NDST4: variants seen among roughly 807,000 people sequenced by gnomAD.
The protein encoded by NDST4 is N-heparan sulfate sulfotransferase 4.
In NDST4, 63 loss-of-function variants were observed where a neutral mutation model predicts 100.8. That is an observed-to-expected ratio of 0.62 (90% confidence interval 0.51 to 0.77). NDST4 has a LOEUF of 0.77. NDST4 is among the 30% of genes least tolerant of loss of function. The pLI is 0.00. For missense variants in NDST4, 943 were observed against 1,018.4 expected (o/e 0.93, Z 1.01); for synonymous variants, 377 against 361.8 (o/e 1.04, Z -0.48).
At chr4:115,074,499 T>C (rs1729140170) in intron 2 of NDST4, among the ~76,000 whole-genome samples, 1 of 151,904 alleles carries the variant, frequency 6.6e-6, no homozygotes, top group Non-Finnish European at 1.5e-5. Flanking sequence ...TTAAAGGAAA[T>C]AATACATACT....
intron 6 of NDST4, among the ~76,000 whole-genome samples, chr4:114,931,472 A>C (rs1252597134): frequency 6.6e-6 from 1 of 151,712 alleles, no homozygotes; most frequent in Non-Finnish European, 1.5e-5. Context: ...GAAAAAAATT[A>C]GTCCAAAGTC....
intron 6 of NDST4, among the ~76,000 whole-genome samples, chr4:114,883,159 T>A (rs1724406981): frequency 6.6e-6 from 1 of 151,888 alleles, no homozygotes; most frequent in South Asian, 2.1e-4. Flanking sequence ...ATAAAGAAAA[T>A]GTGTTTAAAT....
chr4:115,013,384 T>G (rs1727603053), intron 2 of NDST4, among the ~76,000 whole-genome samples: 1 of 115,636 alleles, frequency 8.6e-6, no homozygotes, highest in Non-Finnish European at 1.8e-5. Context: ...CACACATACA[T>G]ACCTAATATG....
Position 114,896,641 on chromosome 4 carries a change from T to A in NDST4, c.1537-25691A>T, listed in dbSNP as rs58754543. Among the ~76,000 whole-genome samples, 632 of 142,976 alleles carry A rather than the reference T, an allele frequency of 4.4e-3. 6 individuals are homozygous for A. Among genetic ancestry groups the A allele is most frequent in the African/African-American group, 0.016 (598 of 36,464 alleles). 93.8% of individuals were successfully genotyped at this position (142,976 alleles called of 152,430 possible). On this transcript the variant is annotated intron_variant, in intron 6 of 13. Coordinates refer to ENST00000264363, the MANE Select transcript of NDST4 (RefSeq NM_022569.3). ...CCGTCTCAAAAAAAAAAAAAAAAAA[T>A]TTGCTTTGGGTAAAATACTGCATTT...
intron 6 of NDST4, among the ~76,000 whole-genome samples, chr4:114,918,120 C>T (rs956388220): frequency 3.3e-5 from 5 of 152,068 alleles, no homozygotes; most frequent in Non-Finnish European, 5.9e-5. Context: ...ACAGATCTTA[C>T]TATAACCATT....
intron 6 of NDST4, among the ~76,000 whole-genome samples, chr4:114,909,415 C>T (rs143757059): frequency 0.022 from 3,320 of 150,954 alleles, 60 homozygotes; most frequent in South Asian, 0.031. Context: ...AATCCCAGCA[C>T]TTTGGGAGGC....
intron 2 of NDST4, among the ~76,000 whole-genome samples, chr4:115,011,289 T>C (rs913979559): frequency 6.6e-6 from 1 of 151,990 alleles, no homozygotes; most frequent in Non-Finnish European, 1.5e-5. Context: ...CTGTGCTTCA[T>C]GGCTGTCATG....
chr4:114,853,951 C>A (rs555307112), intron 7 of NDST4, among the ~76,000 whole-genome samples: 1 of 152,204 alleles, frequency 6.6e-6, no homozygotes, highest in African/African-American at 2.4e-5. Context: ...AAGCATTTAT[C>A]ATTTCTTGTA....
At position 114,834,909 on chromosome 4, in the gene NDST4, A is replaced by G. The variant is rs574361876; in HGVS notation, c.2287-1194T>C. On this transcript the variant is annotated intron_variant, in intron 11 of 13. Transcript: ENST00000264363. ...AGTTTATTTGCATAGAGGTGTTTAT[A>G]GTATTCTCTGATGACAGTTTGTATT... 4.6e-5 allele frequency among the ~76,000 whole-genome samples: 7 copies of G among 152,308 alleles called. No individual in the cohort carries two copies. In the South Asian group the frequency reaches 1.4e-3, roughly 32 times the overall value.
rs139962191 is a variant in NDST4, at chr4:114,953,572, A to G, written c.1222-16069T>C. 2.6e-5 allele frequency among the ~76,000 whole-genome samples: 4 copies of G among 152,246 alleles called. No individual in the cohort carries two copies. In the East Asian group the frequency reaches 7.7e-4, roughly 29 times the overall value. ...GTGCAGTGAAATCATTCATATTAAC[A>G]ATGAAAACTTAGTCTTTGTGAATGA... On this transcript the variant is annotated intron_variant, in intron 4 of 13. Coordinates refer to ENST00000264363, the MANE Select transcript of NDST4 (RefSeq NM_022569.3).
At chr4:115,023,100 AG>A (rs1358240137) in intron 2 of NDST4, among the ~76,000 whole-genome samples, 1 of 152,124 alleles carries the variant, frequency 6.6e-6, no homozygotes, top group African/African-American at 2.4e-5. Context: ...AAGGGTGGGA[AG>A]GGGGTGAGGG....
intron 7 of NDST4, among the ~76,000 whole-genome samples, chr4:114,867,072 A>T (rs1724042619): frequency 6.6e-6 from 1 of 152,172 alleles, no homozygotes; most frequent in Non-Finnish European, 1.5e-5. Flanking sequence ...CTAATAAGCC[A>T]TGTGACTTAG....
intron 7 of NDST4, among the ~76,000 whole-genome samples, chr4:114,859,857 G>T (rs1276045399): frequency 6.6e-6 from 1 of 152,124 alleles, no homozygotes; most frequent in African/African-American, 2.4e-5. Context: ...TTCCCTTATA[G>T]GTTTTTCCTG....
At chr4:115,105,406 C>T (rs925346360) in intron 1 of NDST4, among the ~76,000 whole-genome samples, 3 of 151,980 alleles carry the variant, frequency 2.0e-5, no homozygotes, top group Admixed American at 6.6e-5. Context: ...TAAAATGGTA[C>T]ATCTTATAAA....
chr4:114,879,558 T>G (rs1724323272), intron 6 of NDST4, among the ~76,000 whole-genome samples: 1 of 152,202 alleles, frequency 6.6e-6, no homozygotes, highest in South Asian at 2.1e-4. Flanking sequence ...ATTTCCTGGC[T>G]ATTCCCTCAG....
Position 114,885,281 on chromosome 4 carries a change from T to G in NDST4, c.1537-14331A>C, listed in dbSNP as rs377420184. On this transcript the variant is annotated intron_variant, in intron 6 of 13. Coordinates refer to ENST00000264363, the MANE Select transcript of NDST4 (RefSeq NM_022569.3). The stretch of plus-strand genomic sequence containing the variant: ...ACACAAGTTCTTTGAGATTTGAGTG[T>G]TGAACATGTGTCACATGCTGACAGT... 2.1e-4 allele frequency among the ~76,000 whole-genome samples: 32 copies of G among 152,248 alleles called. No homozygotes were observed. The East Asian group carries it at 6.2e-3, about 29-fold the overall frequency.
At chr4:115,104,582 C>T (rs984569140) in intron 1 of NDST4, among the ~76,000 whole-genome samples, 5 of 151,934 alleles carry the variant, frequency 3.3e-5, no homozygotes, top group South Asian at 2.1e-4. Context: ...CTATTTGGCC[C>T]CTTTTTCTAA....
chr4:114,929,033 T>C (rs1357189477), intron 6 of NDST4, among the ~76,000 whole-genome samples: 11 of 146,272 alleles, frequency 7.5e-5, no homozygotes, highest in East Asian at 2.0e-4. Flanking sequence ...TCTGTCTGTC[T>C]GTCTGTCTGT....
rs1724806857 is a variant in NDST4 at position 114,900,251 on chromosome 4, A to C, written c.1537-29301T>G. Reference sequence around the variant, plus strand: ...TTCTCAGCGTAACTATAGGCGTATTACTCTTATTGATCATTTTAGAGAACC... The same window carrying C: ...TTCTCAGCGTAACTATAGGCGTATTCCTCTTATTGATCATTTTAGAGAACC... On this transcript the variant is annotated intron_variant, in intron 6 of 13. Transcript: ENST00000264363. 3.3e-5 allele frequency among the ~76,000 whole-genome samples: 5 copies of C among 150,794 alleles called. No individual in the cohort carries two copies. In the South Asian group the frequency reaches 1.0e-3, roughly 32 times the overall value.
Sources: gnomAD v4.1 joint callset for allele counts (sites outside exome capture counted in the v4.1 genomes callset) on GRCh38, gnomAD v4.1.1 for gene constraint, MANE v1.5 for transcripts, NCBI Gene and HGNC (gene_info 2026-07-23, HGNC 2026-07-21) for gene names.